Variants in UNC13C observed in about 807,000 individuals in gnomAD.
UNC13C encodes the protein unc-13 homolog C, also known as protein unc-13 homolog C.
UNC13C carries 174 observed loss-of-function variants against 245.4 expected under a neutral mutation model. The observed-to-expected ratio is 0.71, with a 90% confidence interval of 0.63 to 0.80. The LOEUF (loss-of-function observed/expected upper bound fraction) is 0.80, where lower values mean the gene tolerates loss of function less well. UNC13C is among the 30% of genes least tolerant of loss of function. The probability of loss-of-function intolerance (pLI) is 0.00; values close to 1 mark genes in which losing one functional copy is unlikely to be tolerated. For missense variants in UNC13C, 2,829 were observed against 2,602.9 expected (o/e 1.09, Z -1.89); for synonymous variants, 992 against 895.1 (o/e 1.11, Z -1.93).
At chr15:54,392,733 T>C (rs1368973335) in intron 17 of UNC13C, among the ~76,000 whole-genome samples, 1 of 151,122 alleles carries the variant, frequency 6.6e-6, no homozygotes. Flanking sequence ...TAATAATAAT[T>C]CTTAAGGTCA....
chr15:53,963,046 G>A, the UNC13C span, among the ~76,000 whole-genome samples: 1 of 152,184 alleles, frequency 6.6e-6, no homozygotes, highest in Admixed American at 6.5e-5. Context: ...AGGTCAGGAA[G>A]CTGATTCTGC....
intron 21 of UNC13C, 111 bp downstream of exon 21, chr15:54,500,286 A>G: frequency 1.2e-6 from 1 of 806,378 alleles, no homozygotes. Context: ...TCCATTCCCC[A>G]GTGACCAAAA....
At chr15:54,552,445 A>T (rs374246266) in intron 28 of UNC13C, among the ~76,000 whole-genome samples, 138 of 1,414 alleles carry the variant, frequency 0.098, 3 homozygotes, top group South Asian at 0.21. Flanking sequence ...ATATATTACA[A>T]TATATAATAT....
At chr15:54,321,338 T>G (rs145805502) in intron 13 of UNC13C, 1 of 473,082 alleles carries the variant, frequency 2.1e-6, no homozygotes, top group Non-Finnish European at 4.2e-6. Context: ...CTTCAATGTC[T>G]TCTTTAATGC....
At chr15:53,956,573 T>TAAAAAAAAAAAAAAAAAAAA in the UNC13C span, among the ~76,000 whole-genome samples, 1 of 76,458 alleles carries the variant, frequency 1.3e-5, no homozygotes, top group Non-Finnish European at 3.0e-5. Context: ...GAGTGTTACT[T>TAAAAAAAAAAAAAAAAAAAA]AGAACAGAAG....
In UNC13C at chr15:54,264,349, T is replaced by C. The variant is rs2036501494; in HGVS notation, c.3630T>C (p.Ser1210=). The change falls in exon 9 of 33, where the codon AGT becomes AGC. Residue 1210 remains serine (S), a synonymous_variant. Coordinates refer to ENST00000260323, the MANE Select transcript of UNC13C (RefSeq NM_001080534.3). ...FVQFTKAAKQ[S]VLDGTSKWSA... ...AGTTTACAAAGGCGGCCAAACAGAGTGTACTGGATGGGACATCTAAGTGGT... is the reference window on the plus strand; with the variant it reads ...AGTTTACAAAGGCGGCCAAACAGAGCGTACTGGATGGGACATCTAAGTGGT... The C allele has an allele frequency of 6.2e-7, 1 of 1,605,560 alleles. No individual in the cohort carries two copies. The highest frequency in any genetic ancestry group is 1.3e-5 in the African/African-American group (1 of 74,784).
chr15:54,122,675 A>G, intron 2 of UNC13C, among the ~76,000 whole-genome samples: 1 of 152,082 alleles, frequency 6.6e-6, no homozygotes, highest in Non-Finnish European at 1.5e-5. Context: ...TCTGATTTTC[A>G]TCAAGATCAA....
chr15:54,338,509 T>C lies in UNC13C; in HGVS notation c.4713+20T>C. ...GACCCGGTAAGAAAATATGTATGTC[T>C]TTTATAATCGCCACTTTTGTTTCTA... On this transcript the variant is annotated intron_variant, in intron 17 of 32. Coordinates refer to ENST00000260323, the MANE Select transcript of UNC13C (RefSeq NM_001080534.3). 3.1e-6 allele frequency: 5 copies of C among 1,608,756 alleles called. No homozygotes were observed. The highest frequency in any genetic ancestry group is 4.3e-6 in the Non-Finnish European group (5 of 1,175,866).
chr15:54,049,345 A>C (rs1239320519), intron 2 of UNC13C: 1 of 509,044 alleles, frequency 2.0e-6, no homozygotes, highest in East Asian at 5.4e-5. Flanking sequence ...ACTAACATCT[A>C]CAAGAAGAAA....
At chr15:53,889,490 A>G in the UNC13C span, among the ~76,000 whole-genome samples, 3 of 152,210 alleles carry the variant, frequency 2.0e-5, no homozygotes, top group African/African-American at 7.2e-5. Flanking sequence ...CAATCATGTC[A>G]TCTGCAAACA....
At chr15:53,990,045 A>T (rs1203278293) in intron 1 of UNC13C, among the ~76,000 whole-genome samples, 1 of 152,050 alleles carries the variant, frequency 6.6e-6, no homozygotes, top group Non-Finnish European at 1.5e-5. Context: ...ATAAAGGGAG[A>T]AAAGGTCAGC....
At chr15:54,036,328 C>G (rs1319856403) in intron 2 of UNC13C, among the ~76,000 whole-genome samples, 5 of 152,112 alleles carry the variant, frequency 3.3e-5, no homozygotes, top group Admixed American at 3.3e-4. Context: ...TCTGTAGTGC[C>G]CAGGGCAGCC....
chr15:54,578,030 A>G (rs1363895040), intron 30 of UNC13C, among the ~76,000 whole-genome samples: 2 of 152,320 alleles, frequency 1.3e-5, no homozygotes, highest in Non-Finnish European at 2.9e-5. Context: ...TATTTCCATT[A>G]TAGTCTGGGC....
At chr15:54,407,407 G>A (rs965174327) in intron 18 of UNC13C, among the ~76,000 whole-genome samples, 15 of 152,096 alleles carry the variant, frequency 9.9e-5, no homozygotes, top group Non-Finnish European at 2.2e-4. Context: ...AAATTCATTA[G>A]CTAAATAGTA....
At chr15:54,050,463 A>C (rs553565383) in intron 2 of UNC13C, 10 of 550,706 alleles carry the variant, frequency 1.8e-5, no homozygotes, top group Non-Finnish European at 3.7e-5. Flanking sequence ...AAGTTGATCT[A>C]AGCATCCAAG....
intron 17 of UNC13C, among the ~76,000 whole-genome samples, chr15:54,386,742 G>A (rs189509141): frequency 7.9e-4 from 121 of 152,286 alleles, no homozygotes; most frequent in Non-Finnish European, 1.4e-3. Flanking sequence ...TTTTTTAAAT[G>A]AGAATTGAAT....
At chr15:54,113,280 C>G (rs1157528125) in intron 2 of UNC13C, among the ~76,000 whole-genome samples, 1 of 152,124 alleles carries the variant, frequency 6.6e-6, no homozygotes, top group Non-Finnish European at 1.5e-5. Context: ...CTCTGTGTAG[C>G]TTTATGGCAT....
chr15:54,301,468 G>C (rs2037581065), intron 13 of UNC13C, among the ~76,000 whole-genome samples: 1 of 152,022 alleles, frequency 6.6e-6, no homozygotes, highest in South Asian at 2.1e-4. Context: ...GCCCCGGTGT[G>C]TGATGTTCCC....
At chr15:54,419,053 A>T (rs947776007) in intron 19 of UNC13C, among the ~76,000 whole-genome samples, 1 of 152,168 alleles carries the variant, frequency 6.6e-6, no homozygotes, top group African/African-American at 2.4e-5. Flanking sequence ...ATCTAGAATC[A>T]TGCTGACTAA....
Sources: gnomAD v4.1 joint callset for allele counts (sites outside exome capture counted in the v4.1 genomes callset) on GRCh38, gnomAD v4.1.1 for gene constraint, MANE v1.5 for transcripts, NCBI Gene and HGNC (gene_info 2026-07-23, HGNC 2026-07-21) for gene names.